Variants in SLC1A6 observed in about 807,000 individuals in gnomAD.
The protein encoded by SLC1A6 is solute carrier family 1 member 6.
Under a neutral mutation model 42.1 loss-of-function variants are expected in SLC1A6, and 15 were observed. That is an observed-to-expected ratio of 0.36 (90% CI 0.24 to 0.55). SLC1A6 has a LOEUF of 0.55. Among genes scored for constraint, SLC1A6 ranks in the 20% least tolerant of loss-of-function variants. The probability of loss-of-function intolerance (pLI) is 0.88; values close to 1 mark genes in which losing one functional copy is unlikely to be tolerated. For missense variants in SLC1A6, 542 were observed against 772.5 expected, an observed-to-expected ratio of 0.70 and a Z score of 3.54; for synonymous variants, 317 against 319.7, an observed-to-expected ratio of 0.99 and a Z score of 0.09.
chr19:14,964,071 C>T (rs1195987172), intron 5 of SLC1A6: 2 of 373,366 alleles, frequency 5.4e-6, no homozygotes, highest in Admixed American at 4.4e-5. Context: ...TCAAGTGATC[C>T]TCCCACCTTG....
intron 1 of SLC1A6, among the ~76,000 whole-genome samples, chr19:15,001,305 C>T (rs189757260): frequency 3.5e-4 from 54 of 152,158 alleles, no homozygotes; most frequent in African/African-American, 1.3e-3. Flanking sequence ...GCGTATAGCC[C>T]GGTGGTGTGA....
intron 9 of SLC1A6, among the ~76,000 whole-genome samples, 181 bp from the exon 10 acceptor site, chr19:14,950,571 A>G (rs1185363570): frequency 6.6e-6 from 1 of 152,040 alleles, no homozygotes; most frequent in Non-Finnish European, 1.5e-5. Flanking sequence ...CCTACTAACA[A>G]ACAGGATGGA....
chr19:14,954,364 T>C, intron 7 of SLC1A6, 35 bp from the exon 8 acceptor site: 4 of 1,584,918 alleles, frequency 2.5e-6, no homozygotes, highest in Non-Finnish European at 3.4e-6. Flanking sequence ...GGATGGGGCG[T>C]GGCCTGGTGG....
intron 1 of SLC1A6, among the ~76,000 whole-genome samples, chr19:14,978,980 A>G (rs764109523): frequency 2.0e-5 from 3 of 151,332 alleles, no homozygotes; most frequent in Non-Finnish European, 4.4e-5. Flanking sequence ...CCTCACATTT[A>G]AACATTCAGC....
At chr19:14,964,663 T>C (rs2045553304) in intron 4 of SLC1A6, among the ~76,000 whole-genome samples, 1 of 152,148 alleles carries the variant, frequency 6.6e-6, no homozygotes, top group African/African-American at 2.4e-5. Flanking sequence ...TCCAGGTCTG[T>C]CTGAGCATGT....
intron 1 of SLC1A6, among the ~76,000 whole-genome samples, chr19:15,005,466 G>A (rs1160670788): frequency 1.3e-5 from 2 of 151,932 alleles, no homozygotes; most frequent in Non-Finnish European, 2.9e-5. Flanking sequence ...CCGAGATCGC[G>A]CCACTGCACT....
intron 7 of SLC1A6, among the ~76,000 whole-genome samples, chr19:14,955,274 G>A (rs2045451409): frequency 6.6e-6 from 1 of 152,056 alleles, no homozygotes; most frequent in Non-Finnish European, 1.5e-5. Context: ...CAGCGTTATG[G>A]GCAATTTTAA....
intron 1 of SLC1A6, among the ~76,000 whole-genome samples, chr19:15,008,660 G>A (rs1254503782): frequency 6.6e-6 from 1 of 152,148 alleles, no homozygotes; most frequent in African/African-American, 2.4e-5. Context: ...ATCAACTTAT[G>A]TGTCCATTAG....
intron 1 of SLC1A6, among the ~76,000 whole-genome samples, chr19:14,993,638 A>C (rs779906825): frequency 6.6e-6 from 1 of 152,224 alleles, no homozygotes; most frequent in African/African-American, 2.4e-5. Flanking sequence ...GGAATTTACC[A>C]AGACAAGAGT....
intron 1 of SLC1A6, among the ~76,000 whole-genome samples, chr19:15,009,138 T>A (rs1230377390): frequency 1.3e-5 from 2 of 150,974 alleles, no homozygotes; most frequent in Non-Finnish European, 3.0e-5. Flanking sequence ...ATAGCATATA[T>A]ATATCACATA....
chr19:14,980,654 C>CAAAAAAAAAA (rs35361239), upstream of SLC1A6, among the ~76,000 whole-genome samples: 22 of 125,404 alleles, frequency 1.8e-4, no homozygotes, highest in Admixed American at 8.9e-4. Flanking sequence ...GAGACTCCGT[C>CAAAAAAAAAA]AAAAAAAAAA....
chr19:14,968,220 CCT>C, intron 4 of SLC1A6, 81 bp downstream of exon 4: 1 of 1,155,570 alleles, frequency 8.7e-7, no homozygotes, highest in Non-Finnish European at 1.2e-6. Context: ...TGTGGGATGA[CCT>C]CTTTGCAGGC....
intron 4 of SLC1A6, among the ~76,000 whole-genome samples, chr19:14,966,082 A>G (rs963753628): frequency 6.6e-6 from 1 of 152,192 alleles, no homozygotes; most frequent in Non-Finnish European, 1.5e-5. Flanking sequence ...CATTAGGTAC[A>G]ATGTACACTA....
At position 14,979,259 on chromosome 19, in the gene SLC1A6, G is replaced by C. The variant is rs1198887827; in HGVS notation, c.-8+50C>G. 1 of 152,378 alleles carries C rather than the reference G, an allele frequency of 6.6e-6. No homozygotes were observed. Among genetic ancestry groups the C allele is most frequent in the African/African-American group, 2.4e-5 (1 of 41,444 alleles). The allele number at this position is 152,378 out of a possible 1,614,324, so 9.4% of individuals were successfully genotyped here. ...GCGGAGGCCACGGGTTGGGGAGGTG[G>C]GGAGACGGGCAGGGAGACCCGGGGA... On this transcript the variant is annotated intron_variant, in intron 1 of 9. Coordinates refer to ENST00000594383, the MANE Select transcript of SLC1A6 (RefSeq NM_005071.3). This position sits in a 1 kb window ranked among gnomAD's most constrained non-coding sequence, Gnocchi z 4.2.
At chr19:14,977,256 A>G (rs1428786759) in intron 1 of SLC1A6, 1 of 152,164 alleles carries the variant, frequency 6.6e-6, no homozygotes, top group Admixed American at 6.6e-5. Context: ...CGGTATTGAC[A>G]AACTATGGTC....
At chr19:14,960,669 C>T (rs1298587819) in intron 6 of SLC1A6, among the ~76,000 whole-genome samples, 2 of 152,124 alleles carry the variant, frequency 1.3e-5, no homozygotes, top group Non-Finnish European at 2.9e-5. Flanking sequence ...ATAACCAAGA[C>T]ACAGAAAGAC....
At chr19:14,996,020 C>G (rs1338562753) in intron 1 of SLC1A6, among the ~76,000 whole-genome samples, 1 of 151,938 alleles carries the variant, frequency 6.6e-6, no homozygotes, top group Non-Finnish European at 1.5e-5. Context: ...CTGAAAAATG[C>G]AGAAAGAATA....
intron 2 of SLC1A6, 56 bp from the exon 3 acceptor site, chr19:14,971,930 AG>A: frequency 6.3e-7 from 1 of 1,592,136 alleles, no homozygotes; most frequent in Non-Finnish European, 8.6e-7. Context: ...AGCCCCAGGC[AG>A]GGTCCATCCA....
chr19:14,969,779 C>A (rs1275819757), intron 3 of SLC1A6, among the ~76,000 whole-genome samples: 2 of 152,208 alleles, frequency 1.3e-5, no homozygotes, highest in African/African-American at 4.8e-5. Context: ...CGGCCCTCTG[C>A]CTGCTTTTGT....
Sources: allele counts gnomAD v4.1 joint callset (sites outside exome capture counted in the v4.1 genomes callset), GRCh38; gene constraint gnomAD v4.1.1; non-coding constraint Gnocchi (gnomAD v3.1); transcripts MANE v1.5; gene names NCBI Gene and HGNC (gene_info 2026-07-23, HGNC 2026-07-21).